Variants in PDE4B observed in about 807,000 individuals in gnomAD.
The protein encoded by PDE4B is phosphodiesterase 4B.
Under a neutral mutation model 82.2 loss-of-function variants are expected in PDE4B, and 20 were observed. The observed-to-expected ratio is 0.24, with a 90% CI of 0.17 to 0.35. The LOEUF (loss-of-function observed/expected upper bound fraction) is 0.35. PDE4B is among the 10% of genes least tolerant of loss of function. PDE4B has a pLI of 1.00. For synonymous variants in PDE4B, 320 were observed against 318.9 expected, an observed-to-expected ratio of 1.00 and a Z score of -0.04; for missense variants, 655 against 907.2, an observed-to-expected ratio of 0.72 and a Z score of 3.57.
chr1:66,161,883 C>G (rs139108856), intron 3 of PDE4B, among the ~76,000 whole-genome samples: 3 of 152,174 alleles, frequency 2.0e-5, no homozygotes, highest in Admixed American at 2.0e-4. Context: ...CTCAAATTCA[C>G]CTACCAGCTT....
chr1:66,195,300 T>C (rs1482431353), intron 3 of PDE4B, among the ~76,000 whole-genome samples: 1 of 152,120 alleles, frequency 6.6e-6, no homozygotes, highest in Non-Finnish European at 1.5e-5. Flanking sequence ...CATTTCCCTA[T>C]GTGGGAGAGA....
chr1:65,918,170 CATAAA>C (rs1014946565), intron 2 of PDE4B, among the ~76,000 whole-genome samples: 2 of 152,086 alleles, frequency 1.3e-5, no homozygotes, highest in African/African-American at 4.8e-5. Context: ...TAAATAAATA[CATAAA>C]ATAAAATACT....
chr1:66,246,203 C>A (rs2101671682), intron 3 of PDE4B, among the ~76,000 whole-genome samples: 1 of 152,290 alleles, frequency 6.6e-6, no homozygotes, highest in Admixed American at 6.5e-5. Flanking sequence ...TCATTTACCT[C>A]AAATGTAGAG....
At chr1:65,878,037 AAG>A (rs1375440206) in intron 1 of PDE4B, among the ~76,000 whole-genome samples, 4 of 151,984 alleles carry the variant, frequency 2.6e-5, no homozygotes, top group African/African-American at 9.7e-5. Flanking sequence ...ACAAATTTAC[AAG>A]AAAAAAAAAA....
chr1:65,878,392 A>G (rs1193369265), intron 1 of PDE4B, among the ~76,000 whole-genome samples: 1 of 152,226 alleles, frequency 6.6e-6, no homozygotes, highest in African/African-American at 2.4e-5. Context: ...TATGTACCCA[A>G]AGGATTATAT....
At position 66,182,915 on chromosome 1, in the gene PDE4B, G is replaced by A. The variant is rs551799076; in HGVS notation, c.282-64545G>A. On this transcript the variant is annotated intron_variant, in intron 3 of 16. Coordinates refer to ENST00000341517, the MANE Select transcript of PDE4B (RefSeq NM_002600.4). ...ATATCATCAGCTATCCAGAAATGTG[G>A]GAAAGCCTCAGACAAGGAATGTGAA... 5.0e-4 allele frequency among the ~76,000 whole-genome samples: 76 copies of A among 152,324 alleles called. 1 individual carries two copies. Among genetic ancestry groups the A allele is most frequent in the African/African-American group, 1.7e-3 (72 of 41,586 alleles).
At chr1:66,152,539 A>G (rs1053205292) in intron 3 of PDE4B, 3 of 301,344 alleles carry the variant, frequency 1.0e-5, no homozygotes, top group Admixed American at 8.0e-5. Flanking sequence ...TGAGGTATGT[A>G]TATGTACATA....
chr1:66,032,135 T>A (rs1489886277), intron 3 of PDE4B, among the ~76,000 whole-genome samples: 1 of 152,212 alleles, frequency 6.6e-6, no homozygotes, highest in Non-Finnish European at 1.5e-5. Context: ...TCCTCCTCAG[T>A]ATAAGTGGGG....
chr1:65,843,173 G>A (rs1186482513), intron 1 of PDE4B, among the ~76,000 whole-genome samples: 1 of 152,114 alleles, frequency 6.6e-6, no homozygotes, highest in African/African-American at 2.4e-5. Context: ...GAGGAATTAT[G>A]AAGAAAAGAG....
intron 1 of PDE4B, among the ~76,000 whole-genome samples, chr1:65,891,446 G>A (rs1311143939): frequency 1.4e-4 from 22 of 151,924 alleles, no homozygotes; most frequent in Admixed American, 1.4e-3. Flanking sequence ...TAAAGTTATG[G>A]TATAATTTTT....
intron 16 of PDE4B, among the ~76,000 whole-genome samples, chr1:66,370,026 C>T (rs971697471): frequency 1.3e-5 from 2 of 151,748 alleles, no homozygotes; most frequent in African/African-American, 4.8e-5. Context: ...TAGTGTGTGC[C>T]TGTAGTCCCA....
chr1:65,890,494 A>G (rs1054445486), intron 1 of PDE4B, among the ~76,000 whole-genome samples: 4 of 152,108 alleles, frequency 2.6e-5, no homozygotes, highest in African/African-American at 9.7e-5. Flanking sequence ...GATGAATTTA[A>G]TCAATTAACA....
At chr1:66,137,502 T>A (rs1646082096) in intron 3 of PDE4B, among the ~76,000 whole-genome samples, 1 of 152,220 alleles carries the variant, frequency 6.6e-6, no homozygotes, top group East Asian at 1.9e-4. Context: ...TCACTTCTAA[T>A]CCACTCATTT....
intron 3 of PDE4B, among the ~76,000 whole-genome samples, chr1:66,202,964 A>G (rs1221606366): frequency 6.6e-6 from 1 of 151,954 alleles, no homozygotes; most frequent in Non-Finnish European, 1.5e-5. Context: ...ATAATTTGGC[A>G]TGTTTTTGCA....
At chr1:66,155,068 G>T (rs1014324747) in intron 3 of PDE4B, among the ~76,000 whole-genome samples, 1 of 152,108 alleles carries the variant, frequency 6.6e-6, no homozygotes, top group Non-Finnish European at 1.5e-5. Context: ...GGTTGAGTCT[G>T]CAGTGAGCTC....
At chr1:66,259,367 C>T (rs576492565) in intron 6 of PDE4B, among the ~76,000 whole-genome samples, 85 of 152,256 alleles carry the variant, frequency 5.6e-4, no homozygotes, top group Middle Eastern at 6.8e-3. Context: ...AACAATCAGA[C>T]CAGGTCTCTA....
intron 8 of PDE4B, among the ~76,000 whole-genome samples, chr1:66,341,846 G>A (rs944170369): frequency 2.0e-5 from 3 of 152,166 alleles, no homozygotes; most frequent in African/African-American, 7.2e-5. Context: ...ACCCTAGAAT[G>A]TTTCTGCACA....
chr1:66,133,519 A>G (rs754819330), intron 3 of PDE4B, among the ~76,000 whole-genome samples: 12 of 152,242 alleles, frequency 7.9e-5, no homozygotes, highest in Non-Finnish European at 1.3e-4. Context: ...TCAAGAGTGA[A>G]TCACAATTCC....
intron 1 of PDE4B, among the ~76,000 whole-genome samples, chr1:65,833,231 T>A (rs1646102045): frequency 6.6e-6 from 1 of 152,172 alleles, no homozygotes; most frequent in Admixed American, 6.5e-5. Context: ...AAGTTTTAAC[T>A]ATAAAAATGT....
Sources: gnomAD v4.1 joint callset for allele counts (sites outside exome capture counted in the v4.1 genomes callset) on GRCh38, gnomAD v4.1.1 for gene constraint, MANE v1.5 for transcripts, NCBI Gene and HGNC (gene_info 2026-07-23, HGNC 2026-07-21) for gene names.